SEMA5A: variants seen among roughly 807,000 people sequenced by gnomAD.
The protein encoded by SEMA5A is semaphorin 5A, also known as semaphorin-5A.
A neutral mutation model predicts 135.5 loss-of-function variants in SEMA5A; 55 were observed. That is an observed-to-expected ratio of 0.41 (90% CI 0.33 to 0.51). The LOEUF (loss-of-function observed/expected upper bound fraction) is 0.51, where lower values mean the gene tolerates loss of function less well. Ranked by LOEUF, SEMA5A falls within the 20% of genes least tolerant of loss-of-function variation. The pLI is 0.37. For synonymous variants in SEMA5A, 580 were observed against 546.5 expected, an observed-to-expected ratio of 1.06 and a Z score of -0.85; for missense variants, 1,290 against 1,419.9, an observed-to-expected ratio of 0.91 and a Z score of 1.47.
intron 5 of SEMA5A, among the ~76,000 whole-genome samples, chr5:9,243,220 G>A (rs10475461): frequency 0.024 from 3,664 of 152,272 alleles, 137 homozygotes; most frequent in African/African-American, 0.08. Flanking sequence ...GGGACAATCT[G>A]TCTGGGCCCC....
chr5:9,421,745 T>C (rs147297919), intron 2 of SEMA5A, among the ~76,000 whole-genome samples: 1 of 152,338 alleles, frequency 6.6e-6, no homozygotes, highest in East Asian at 1.9e-4. Flanking sequence ...CTCATTTGAA[T>C]TATCCTAAGA....
chr5:9,397,799 T>G (rs1756470387), intron 2 of SEMA5A, among the ~76,000 whole-genome samples: 2 of 152,206 alleles, frequency 1.3e-5, no homozygotes, highest in East Asian at 3.8e-4. Context: ...CCAGTCCCCA[T>G]AAATTTGTTA....
chr5:9,162,562 G>GTATATATATATA lies in SEMA5A; in HGVS notation c.1274-7868_1274-7867insTATATATATATA, dbSNP rs1267036137. On this transcript the variant is annotated intron_variant, in intron 11 of 22. Transcript: ENST00000382496. ...TATGTGTGTATATATGTGTGTGTGT[G>GTATATATATATA]TGTATATATATATATATATATATAC... is the stretch of plus-strand genomic sequence containing the variant. Among the ~76,000 whole-genome samples the GTATATATATATA allele has an allele frequency of 1.2e-3, 75 of 63,226 alleles. 1 individual carries two copies. Among genetic ancestry groups the GTATATATATATA allele is most frequent in the Middle Eastern group, 8.5e-3 (1 of 118 alleles). 41.5% of individuals were successfully genotyped at this position (63,226 alleles called of 152,430 possible).
intron 5 of SEMA5A, among the ~76,000 whole-genome samples, chr5:9,316,142 T>C (rs1752380492): frequency 6.6e-6 from 1 of 152,200 alleles, no homozygotes; most frequent in Non-Finnish European, 1.5e-5. Flanking sequence ...TGGCATTATC[T>C]ATTTTGACAA....
intron 1 of SEMA5A, among the ~76,000 whole-genome samples, chr5:9,448,801 C>T (rs1465758436): frequency 6.6e-6 from 1 of 152,214 alleles, no homozygotes; most frequent in Non-Finnish European, 1.5e-5. Context: ...TGCCTCTCCT[C>T]TGTGACCGTG....
At chr5:9,102,151 A>G (rs1739666650) in intron 16 of SEMA5A, among the ~76,000 whole-genome samples, 1 of 152,230 alleles carries the variant, frequency 6.6e-6, no homozygotes, top group South Asian at 2.1e-4. Context: ...ATTACAAACA[A>G]GCAAGCAGCC....
intron 9 of SEMA5A, among the ~76,000 whole-genome samples, chr5:9,201,087 A>C (rs1454715398): frequency 6.6e-6 from 1 of 152,230 alleles, no homozygotes; most frequent in African/African-American, 2.4e-5. Flanking sequence ...TTAAGTCACA[A>C]GACAAGAGAT....
At chr5:9,230,946 G>T (rs112717051) in intron 6 of SEMA5A, among the ~76,000 whole-genome samples, 1 of 152,126 alleles carries the variant, frequency 6.6e-6, no homozygotes, top group Non-Finnish European at 1.5e-5. Context: ...CGTACTTCCC[G>T]TTCTTACTCC....
chr5:9,179,776 G>C (rs150385465), intron 11 of SEMA5A, among the ~76,000 whole-genome samples: 1 of 152,278 alleles, frequency 6.6e-6, no homozygotes, highest in East Asian at 1.9e-4. Flanking sequence ...CAGGGAGTAG[G>C]AGAAGACCAG....
chr5:9,428,122 CTCTA>C (rs70943964), intron 2 of SEMA5A, among the ~76,000 whole-genome samples: 12,071 of 135,538 alleles, frequency 0.089, 594 homozygotes, highest in Middle Eastern at 0.12. Context: ...ATATATTCAA[CTCTA>C]TCTATCTATC....
At chr5:9,171,136 A>G (rs1418505868) in intron 11 of SEMA5A, among the ~76,000 whole-genome samples, 1 of 152,232 alleles carries the variant, frequency 6.6e-6, no homozygotes, top group Non-Finnish European at 1.5e-5. Context: ...TTGTGAACAC[A>G]GGTCCTCCCA....
chr5:9,268,398 T>G (rs547017762), intron 5 of SEMA5A, among the ~76,000 whole-genome samples: 1 of 152,238 alleles, frequency 6.6e-6, no homozygotes, highest in South Asian at 2.1e-4. Context: ...CAAACAGTGA[T>G]AAGACCACCC....
At chr5:9,244,406 T>C (rs958201595) in intron 5 of SEMA5A, among the ~76,000 whole-genome samples, 2 of 152,164 alleles carry the variant, frequency 1.3e-5, no homozygotes, top group African/African-American at 4.8e-5. Flanking sequence ...ACACATTCCC[T>C]ATGGCCTGTG....
In SEMA5A at chr5:9,379,995, C is replaced by G. The variant is rs764482179; in HGVS notation, c.-49G>C. The G allele has an allele frequency of 3.2e-6, 5 of 1,561,856 alleles. No homozygotes were observed. The African/African-American group carries it at 6.9e-5, about 21-fold the overall frequency. Reference sequence around the variant, plus strand: ...TGGGCACGTGTCTTCTAAACAGAAGCTCTTCTTCTCCTCATGTGTGGAAAG... The same window carrying G: ...TGGGCACGTGTCTTCTAAACAGAAGGTCTTCTTCTCCTCATGTGTGGAAAG... On this transcript the variant is annotated 5_prime_UTR_variant, in exon 3 of 23. Transcript: ENST00000382496.
intron 5 of SEMA5A, among the ~76,000 whole-genome samples, chr5:9,257,382 T>G (rs1749127009): frequency 6.6e-6 from 1 of 152,134 alleles, no homozygotes; most frequent in African/African-American, 2.4e-5. Flanking sequence ...CGTTGGGAAA[T>G]GGCTGCACAA....
At chr5:9,245,288 C>CA (rs1284366258) in intron 5 of SEMA5A, among the ~76,000 whole-genome samples, 6 of 151,956 alleles carry the variant, frequency 3.9e-5, no homozygotes, top group African/African-American at 1.2e-4. Flanking sequence ...GTTATCAGAT[C>CA]AAAAAAACAT....
chr5:9,297,720 A>ATTT (rs70943952), intron 5 of SEMA5A, among the ~76,000 whole-genome samples: 1 of 144,092 alleles, frequency 6.9e-6, no homozygotes, highest in African/African-American at 2.6e-5. Context: ...ATGTCAAGCT[A>ATTT]TTTTTTTTTT....
chr5:9,278,827 G>A (rs191437714), intron 5 of SEMA5A, among the ~76,000 whole-genome samples: 19 of 152,352 alleles, frequency 1.2e-4, no homozygotes, highest in African/African-American at 4.6e-4. Context: ...GAGAGTTGAG[G>A]TTTGGGAACC....
rs79171299 is a variant in SEMA5A at position 9,405,044 on chromosome 5, G to A, written c.-77-25021C>T. Reference sequence around the variant, plus strand: ...GAAGCAAATTCTAGAGTTACAGAATGTTAAGCAAGATATTCATTATTTTAC... The same window carrying A: ...GAAGCAAATTCTAGAGTTACAGAATATTAAGCAAGATATTCATTATTTTAC... On this transcript the variant is annotated intron_variant, in intron 2 of 22. Coordinates refer to ENST00000382496, the MANE Select transcript of SEMA5A (RefSeq NM_003966.3). 1.7e-4 allele frequency among the ~76,000 whole-genome samples: 26 copies of A among 152,288 alleles called. No individual in the cohort carries two copies. The East Asian group carries it at 4.8e-3, about 28-fold the overall frequency.
Sources: allele counts gnomAD v4.1 joint callset (sites outside exome capture counted in the v4.1 genomes callset), GRCh38; gene constraint gnomAD v4.1.1; transcripts MANE v1.5; gene names NCBI Gene and HGNC (gene_info 2026-07-23, HGNC 2026-07-21).